Variants in KIAA1328 observed in about 807,000 individuals in gnomAD.
KIAA1328 encodes KIAA1328, also known as protein hinderin.
A neutral mutation model predicts 68.1 loss-of-function variants in KIAA1328; 52 were observed. The ratio of observed to expected loss-of-function variants is 0.76; its 90% CI spans 0.61 to 0.96. The LOEUF is 0.96. Ranked by LOEUF, KIAA1328 falls within the 40% of genes least tolerant of loss-of-function variation. KIAA1328 has a pLI of 0.00. For missense variants in KIAA1328, 641 were observed against 677.6 expected (o/e 0.95, Z 0.60); for synonymous variants, 232 against 239.4 (o/e 0.97, Z 0.28).
intron 1 of KIAA1328, chr18:36,829,543 G>T: frequency 8.6e-6 from 7 of 811,064 alleles, no homozygotes; most frequent in Non-Finnish European, 1.1e-5. Flanking sequence ...AGGCTGACTT[G>T]AGTGTGCGGA....
intron 1 of KIAA1328, among the ~76,000 whole-genome samples, chr18:36,833,751 G>C (rs1472246040): frequency 6.6e-6 from 1 of 152,178 alleles, no homozygotes; most frequent in Non-Finnish European, 1.5e-5. Context: ...ATTCAAAATA[G>C]TTCTTTTTGT....
At chr18:36,880,635 G>T (rs1044018492) in intron 4 of KIAA1328, among the ~76,000 whole-genome samples, 2 of 151,990 alleles carry the variant, frequency 1.3e-5, no homozygotes, top group Admixed American at 1.3e-4. Flanking sequence ...TGACATTTTT[G>T]CCTTATTCCT....
At chr18:36,949,220 G>A (rs890362684) in intron 5 of KIAA1328, among the ~76,000 whole-genome samples, 1 of 152,078 alleles carries the variant, frequency 6.6e-6, no homozygotes, top group Non-Finnish European at 1.5e-5. Context: ...TTCGGGTCCA[G>A]CTGAAACATA....
chr18:37,015,003 A>G (rs920656980), intron 6 of KIAA1328, among the ~76,000 whole-genome samples: 92 of 152,128 alleles, frequency 6.0e-4, no homozygotes, highest in African/African-American at 1.9e-3. Flanking sequence ...CCCGGGTTCA[A>G]GTGATTCTCC....
chr18:37,137,918 A>T (rs945027807), intron 7 of KIAA1328, among the ~76,000 whole-genome samples: 4 of 152,120 alleles, frequency 2.6e-5, no homozygotes, highest in African/African-American at 9.7e-5. Context: ...CAAGTGATTT[A>T]CACATCCCTC....
rs540665863 is a variant in KIAA1328 at position 37,160,393 on chromosome 18, A to C, written c.1414+12A>C. 8.7e-6 allele frequency: 14 copies of C among 1,603,160 alleles called. No homozygotes were observed. In the East Asian group the frequency reaches 1.1e-4, roughly 13 times the overall value. ...TAGACCCCAAAGAGGTAAGTTTAAC[A>C]ACTGTAGTGGCAAAATGAGAAACTG... is the stretch of plus-strand genomic sequence containing the variant. On this transcript the variant is annotated intron_variant, in intron 8 of 9. Coordinates refer to ENST00000280020, the MANE Select transcript of KIAA1328 (RefSeq NM_020776.3).
At chr18:37,209,830 G>T (rs1053281163) in intron 9 of KIAA1328, among the ~76,000 whole-genome samples, 1 of 152,204 alleles carries the variant, frequency 6.6e-6, no homozygotes, top group African/African-American at 2.4e-5. Flanking sequence ...TCAGGTAGCA[G>T]TTGGGAATGT....
chr18:37,230,586 C>G (rs75043481), downstream of KIAA1328: 3 of 152,138 alleles, frequency 2.0e-5, no homozygotes, highest in East Asian at 5.8e-4. Flanking sequence ...GTTCCTGGCA[C>G]GTTATAGGCT....
chr18:37,197,994 A>G, intron 9 of KIAA1328, among the ~76,000 whole-genome samples: 1 of 152,216 alleles, frequency 6.6e-6, no homozygotes, highest in East Asian at 1.9e-4. Context: ...GTGTGTTCAT[A>G]CTGTGGGGTA....
chr18:36,876,092 A>G (rs1321284060), intron 4 of KIAA1328, among the ~76,000 whole-genome samples: 2 of 152,082 alleles, frequency 1.3e-5, no homozygotes, highest in Non-Finnish European at 2.9e-5. Context: ...GGATTTTCCC[A>G]TCGATGTTCA....
At chr18:37,088,854 G>C (rs1272524864) in intron 7 of KIAA1328, among the ~76,000 whole-genome samples, 1 of 151,902 alleles carries the variant, frequency 6.6e-6, no homozygotes, top group African/African-American at 2.4e-5. Flanking sequence ...CTTATAAAAA[G>C]TAAAACATCA....
At chr18:36,860,217 G>A (rs2047519545) in intron 4 of KIAA1328, among the ~76,000 whole-genome samples, 1 of 152,032 alleles carries the variant, frequency 6.6e-6, no homozygotes, top group Non-Finnish European at 1.5e-5. Flanking sequence ...TTTTGAATAC[G>A]TTCATATATG....
chr18:36,864,611 G>A (rs371940124), intron 4 of KIAA1328, among the ~76,000 whole-genome samples: 1 of 34,920 alleles, frequency 2.9e-5, no homozygotes, highest in African/African-American at 1.3e-4. Context: ...TTTTTTTTTT[G>A]TACTGTCTTG....
At chr18:37,072,930 C>T (rs1305667838) in intron 7 of KIAA1328, among the ~76,000 whole-genome samples, 3 of 152,170 alleles carry the variant, frequency 2.0e-5, no homozygotes, top group Non-Finnish European at 2.9e-5. Context: ...TCATCCATGT[C>T]CCTGCAAAGG....
chr18:36,906,201 T>C (rs545064294), intron 5 of KIAA1328, among the ~76,000 whole-genome samples: 1 of 152,264 alleles, frequency 6.6e-6, no homozygotes, highest in East Asian at 1.9e-4. Context: ...TCCTAAATGA[T>C]TTTTAAAATA....
At chr18:37,221,886 T>C (rs2060570324) in intron 9 of KIAA1328, 131 bp from the exon 10 acceptor site, 1 of 901,610 alleles carries the variant, frequency 1.1e-6, no homozygotes, top group African/African-American at 1.7e-5. Context: ...AAAATTCCCT[T>C]AAGCATCATC....
chr18:37,094,701 C>T (rs2057357013), intron 7 of KIAA1328, among the ~76,000 whole-genome samples: 1 of 152,036 alleles, frequency 6.6e-6, no homozygotes, highest in Non-Finnish European at 1.5e-5. Flanking sequence ...AAAGAAATAA[C>T]AAAATTATAG....
chr18:36,957,845 A>G (rs1431882091), intron 5 of KIAA1328, among the ~76,000 whole-genome samples: 2 of 152,128 alleles, frequency 1.3e-5, no homozygotes, highest in African/African-American at 4.8e-5. Context: ...CTTTTGAACT[A>G]TATAATTAAA....
At chr18:36,952,670 T>C (rs1271760817) in intron 5 of KIAA1328, among the ~76,000 whole-genome samples, 2 of 152,232 alleles carry the variant, frequency 1.3e-5, no homozygotes, top group African/African-American at 2.4e-5. Context: ...GTACGTCTTA[T>C]GCCTGTTACA....
Sources: gnomAD v4.1 joint callset for allele counts (sites outside exome capture counted in the v4.1 genomes callset) on GRCh38, gnomAD v4.1.1 for gene constraint, MANE v1.5 for transcripts, NCBI Gene and HGNC (gene_info 2026-07-23, HGNC 2026-07-21) for gene names.